Variants in FOXP1 observed in about 807,000 individuals in gnomAD.
FOXP1 encodes forkhead box P1.
In FOXP1, 15 loss-of-function variants were observed where a neutral mutation model predicts 98.2. The observed-to-expected ratio is 0.15, with a 90% confidence interval of 0.10 to 0.24. FOXP1 has a LOEUF of 0.24. FOXP1 is among the 10% of genes least tolerant of loss of function. The probability of loss-of-function intolerance (pLI) is 1.00; values close to 1 mark genes in which losing one functional copy is unlikely to be tolerated. For missense variants in FOXP1, 633 were observed against 848.5 expected (o/e 0.75, Z 3.15); for synonymous variants, 371 against 314.5 (o/e 1.18, Z -1.90).
At chr3:71,475,143 C>A (rs1037690490) in intron 3 of FOXP1, among the ~76,000 whole-genome samples, 1 of 152,108 alleles carries the variant, frequency 6.6e-6, no homozygotes, top group Non-Finnish European at 1.5e-5. Context: ...CACCTTCCCC[C>A]CTGCTTCTAT....
At chr3:71,374,283 G>A (rs1376435915) in intron 3 of FOXP1, among the ~76,000 whole-genome samples, 1 of 152,108 alleles carries the variant, frequency 6.6e-6, no homozygotes, top group African/African-American at 2.4e-5. Flanking sequence ...ATTTTATTCA[G>A]AATTTGCATT....
At chr3:70,973,204 G>A (rs1028242349) in intron 17 of FOXP1, among the ~76,000 whole-genome samples, 5 of 152,094 alleles carry the variant, frequency 3.3e-5, no homozygotes, top group Non-Finnish European at 5.9e-5. Context: ...GCCTTGTATA[G>A]TCAAAGGATC....
chr3:71,425,846 G>C (rs1435210583), intron 3 of FOXP1, among the ~76,000 whole-genome samples: 1 of 152,028 alleles, frequency 6.6e-6, no homozygotes, highest in Non-Finnish European at 1.5e-5. Flanking sequence ...AACATGAAGG[G>C]CCATTAAATT....
intron 7 of FOXP1, among the ~76,000 whole-genome samples, chr3:71,071,946 C>A (rs988349933): frequency 6.6e-6 from 1 of 152,208 alleles, no homozygotes; most frequent in Non-Finnish European, 1.5e-5. Flanking sequence ...TTACACCTAT[C>A]ATGTACCAAG....
intron 6 of FOXP1, among the ~76,000 whole-genome samples, chr3:71,137,798 A>ATTAT (rs2059894923): frequency 6.9e-6 from 1 of 144,140 alleles, no homozygotes; most frequent in African/African-American, 2.5e-5. Flanking sequence ...ATTTATTATT[A>ATTAT]TTTTTTTTTT....
At chr3:71,309,388 C>T (rs7627502) in intron 4 of FOXP1, among the ~76,000 whole-genome samples, 2,341 of 145,152 alleles carry the variant, frequency 0.016, 45 homozygotes, top group African/African-American at 0.052. Context: ...AAGTTTATAA[C>T]GTAATTTTTT....
intron 2 of FOXP1, among the ~76,000 whole-genome samples, chr3:71,501,413 G>A (rs1211343879): frequency 6.7e-6 from 1 of 150,254 alleles, no homozygotes; most frequent in Non-Finnish European, 1.5e-5. Flanking sequence ...TCCTGCCTCA[G>A]CGTCCCGAGT....
intron 3 of FOXP1, among the ~76,000 whole-genome samples, chr3:71,488,857 G>A (rs2090856183): frequency 6.6e-6 from 1 of 152,170 alleles, no homozygotes; most frequent in Non-Finnish European, 1.5e-5. Context: ...GGTTCATTGT[G>A]TTATGAAAGA....
At chr3:71,264,325 C>T (rs1481922843) in intron 5 of FOXP1, among the ~76,000 whole-genome samples, 1 of 152,116 alleles carries the variant, frequency 6.6e-6, no homozygotes, top group African/African-American at 2.4e-5. Context: ...GACTGGAAAG[C>T]TAAACAAAAG....
intron 3 of FOXP1, among the ~76,000 whole-genome samples, chr3:71,424,267 A>G (rs2083918196): frequency 6.6e-6 from 1 of 152,232 alleles, no homozygotes; most frequent in South Asian, 2.1e-4. Context: ...GCAGTCAAAC[A>G]GGGAAGATCA....
intron 3 of FOXP1, among the ~76,000 whole-genome samples, chr3:71,440,888 G>T (rs891284001): frequency 6.6e-6 from 1 of 151,890 alleles, no homozygotes; most frequent in Admixed American, 6.6e-5. Context: ...AACAAAATAA[G>T]AATAAGGAAC....
intron 11 of FOXP1, among the ~76,000 whole-genome samples, chr3:71,037,583 C>T (rs1387353311): frequency 6.6e-6 from 1 of 152,216 alleles, no homozygotes; most frequent in Non-Finnish European, 1.5e-5. Context: ...TCCCCCTTAG[C>T]TGCGCCATTG....
At chr3:71,489,685 A>ATG (rs1383703843) in intron 3 of FOXP1, among the ~76,000 whole-genome samples, 3 of 152,186 alleles carry the variant, frequency 2.0e-5, no homozygotes, top group Non-Finnish European at 4.4e-5. Flanking sequence ...GGTGGCATTA[A>ATG]ATAACCACAG....
intron 2 of FOXP1, among the ~76,000 whole-genome samples, chr3:71,517,482 T>A (rs1380505767): frequency 6.6e-6 from 1 of 152,194 alleles, no homozygotes; most frequent in African/African-American, 2.4e-5. Context: ...CAGGGAAATG[T>A]CTATTATAAT....
chr3:71,099,768 T>C (rs183188768), intron 7 of FOXP1, among the ~76,000 whole-genome samples: 18 of 152,306 alleles, frequency 1.2e-4, no homozygotes, highest in Non-Finnish European at 2.1e-4. Flanking sequence ...CACAATGTAA[T>C]GCTGCCTCCT....
At chr3:71,124,482 C>G (rs2059013276) in intron 6 of FOXP1, among the ~76,000 whole-genome samples, 1 of 151,182 alleles carries the variant, frequency 6.6e-6, no homozygotes, top group Non-Finnish European at 1.5e-5. Flanking sequence ...ATTATTTTAC[C>G]TACTCCAAAA....
intron 6 of FOXP1, among the ~76,000 whole-genome samples, chr3:71,156,258 A>AT (rs1317662715): frequency 6.6e-6 from 1 of 152,038 alleles, no homozygotes; most frequent in Admixed American, 6.6e-5. Flanking sequence ...GGAATGAAGG[A>AT]TGGGTCCTCT....
chr3:71,115,999 G>T lies in FOXP1; in HGVS notation c.181-3362C>A, dbSNP rs563827686. Among the ~76,000 whole-genome samples the T allele has an allele frequency of 3.3e-5, 5 of 152,262 alleles. No homozygotes were observed. In the East Asian group the frequency reaches 9.7e-4, roughly 29 times the overall value. ...GATCTGCCCGCCTCAGCTTCCCAAA[G>T]TGCTGGGATTATAGGCGTGAGCCAC... On this transcript the variant is annotated intron_variant, in intron 6 of 20. Transcript: ENST00000649528.
intron 2 of FOXP1, among the ~76,000 whole-genome samples, chr3:71,514,366 C>G (rs527789670): frequency 1.7e-4 from 26 of 152,352 alleles, no homozygotes; most frequent in Admixed American, 1.4e-3. Context: ...CTCCACAGAA[C>G]TGCCAACCTC....
Sources: gnomAD v4.1 joint callset for allele counts (sites outside exome capture counted in the v4.1 genomes callset) on GRCh38, gnomAD v4.1.1 for gene constraint, MANE v1.5 for transcripts, NCBI Gene and HGNC (gene_info 2026-07-23, HGNC 2026-07-21) for gene names.